The following CMSS1 variants were observed in gnomAD, a reference collection of about 807,000 sequenced individuals.
CMSS1 encodes protein CMSS1.
Under a neutral mutation model 43.5 loss-of-function variants are expected in CMSS1, and 33 were observed. The observed-to-expected ratio is 0.76, with a 90% confidence interval of 0.57 to 1.01. CMSS1 has a LOEUF of 1.01. Ranked by LOEUF, CMSS1 falls within the 50% of genes least tolerant of loss-of-function variation. The pLI, the probability that CMSS1 is intolerant of heterozygous loss-of-function variation, is 0.00. For missense variants in CMSS1, 313 were observed against 326.4 expected (o/e 0.96, Z 0.32); for synonymous variants, 115 against 117.2 (o/e 0.98, Z 0.12).
intron 1 of CMSS1, among the ~76,000 whole-genome samples, chr3:99,929,489 C>G (rs1326707733): frequency 4.6e-5 from 7 of 151,484 alleles, no homozygotes; most frequent in Admixed American, 3.9e-4. Flanking sequence ...TTTATTACAG[C>G]CTGGGTACCC....
At chr3:100,108,597 A>G (rs192564003) in intron 1 of CMSS1, among the ~76,000 whole-genome samples, 17 of 152,308 alleles carry the variant, frequency 1.1e-4, no homozygotes, top group Admixed American at 3.3e-4. Context: ...ATTCAATTCA[A>G]ACAGTCCTCA....
At chr3:100,053,382 T>C (rs894696214) in intron 1 of CMSS1, among the ~76,000 whole-genome samples, 97 of 152,340 alleles carry the variant, frequency 6.4e-4, no homozygotes, top group African/African-American at 2.3e-3. Context: ...TTCTGGTGCT[T>C]GCCAACAGTC....
At chr3:99,945,663 C>T (rs1002772520) in intron 1 of CMSS1, among the ~76,000 whole-genome samples, 13 of 152,202 alleles carry the variant, frequency 8.5e-5, no homozygotes, top group African/African-American at 3.1e-4. Context: ...GGTAGAGAGC[C>T]TGCCAAGTCA....
intron 1 of CMSS1, among the ~76,000 whole-genome samples, chr3:100,007,802 T>C (rs7610759): frequency 0.83 from 125,672 of 152,162 alleles, 51,948 homozygotes; most frequent in East Asian, 0.88. Flanking sequence ...TATCTAGTGG[T>C]AACAGGGAAT....
intron 1 of CMSS1, among the ~76,000 whole-genome samples, chr3:100,008,757 G>A (rs1405666483): frequency 6.6e-6 from 1 of 152,178 alleles, no homozygotes; most frequent in Non-Finnish European, 1.5e-5. Flanking sequence ...TCTAGACTAG[G>A]AGGAGTATTG....
intron 1 of CMSS1, among the ~76,000 whole-genome samples, chr3:99,925,350 C>A (rs1037216034): frequency 6.6e-6 from 1 of 152,126 alleles, no homozygotes; most frequent in African/African-American, 2.4e-5. Flanking sequence ...GTGTTTGTCT[C>A]CCCTGCTAGA....
chr3:100,002,768 G>A (rs1367546459), intron 1 of CMSS1, among the ~76,000 whole-genome samples: 3 of 152,138 alleles, frequency 2.0e-5, no homozygotes, highest in Non-Finnish European at 1.5e-5. Context: ...AGTCCCTTAG[G>A]CCTTAGACCA....
intron 1 of CMSS1, among the ~76,000 whole-genome samples, chr3:99,925,224 T>C (rs1270491390): frequency 2.6e-5 from 4 of 152,174 alleles, no homozygotes; most frequent in African/African-American, 9.7e-5. Context: ...AGATAATCTA[T>C]TATGTGTTGG....
chr3:99,995,343 T>C (rs933027631), intron 1 of CMSS1, among the ~76,000 whole-genome samples: 3 of 152,186 alleles, frequency 2.0e-5, no homozygotes, highest in South Asian at 2.1e-4. Flanking sequence ...GTCACACTGA[T>C]GTAAGAGGTG....
At chr3:99,852,566 C>G (rs1943752569) in intron 1 of CMSS1, among the ~76,000 whole-genome samples, 1 of 152,070 alleles carries the variant, frequency 6.6e-6, no homozygotes, top group Admixed American at 6.6e-5. Context: ...CTGTCTCAGC[C>G]TCCCGAGTAG....
At chr3:100,018,070 T>C (rs1393492161) in intron 1 of CMSS1, among the ~76,000 whole-genome samples, 1 of 152,188 alleles carries the variant, frequency 6.6e-6, no homozygotes, top group Non-Finnish European at 1.5e-5. Context: ...GGCTCACGCC[T>C]GTAATCTCAG....
chr3:100,006,913 G>A (rs1458960132), intron 1 of CMSS1, among the ~76,000 whole-genome samples: 4 of 152,176 alleles, frequency 2.6e-5, no homozygotes, highest in Non-Finnish European at 5.9e-5. Flanking sequence ...GCATTGAGAA[G>A]GATAAAAAAT....
At chr3:100,046,295 C>T (rs538037228) in intron 1 of CMSS1, among the ~76,000 whole-genome samples, 3 of 152,242 alleles carry the variant, frequency 2.0e-5, no homozygotes, top group Non-Finnish European at 2.9e-5. Context: ...TAGTCCACTC[C>T]TCCTTATGCC....
intron 1 of CMSS1, among the ~76,000 whole-genome samples, chr3:99,928,662 T>C (rs1374398064): frequency 2.0e-5 from 3 of 152,182 alleles, no homozygotes; most frequent in African/African-American, 7.2e-5. Flanking sequence ...CACACTGAAG[T>C]GTTGAGAGGT....
intron 1 of CMSS1, among the ~76,000 whole-genome samples, chr3:99,822,697 A>C (rs1942461521): frequency 6.6e-6 from 1 of 152,154 alleles, no homozygotes; most frequent in Non-Finnish European, 1.5e-5. Context: ...GTGCCACTGC[A>C]CTCCAGCCTG....
At chr3:100,132,427 G>A in intron 1 of CMSS1, among the ~76,000 whole-genome samples, 1 of 152,006 alleles carries the variant, frequency 6.6e-6, no homozygotes, top group East Asian at 1.9e-4. Context: ...TAAATAATTT[G>A]TTAAGATTAA....
chr3:100,153,439 G>A (rs1008006615), intron 2 of CMSS1, among the ~76,000 whole-genome samples: 10 of 152,170 alleles, frequency 6.6e-5, no homozygotes, highest in Non-Finnish European at 8.8e-5. Flanking sequence ...AAATGCCATA[G>A]ACAGGGTGGC....
At chr3:99,976,515 G>A (rs1217916924) in intron 1 of CMSS1, among the ~76,000 whole-genome samples, 1 of 152,120 alleles carries the variant, frequency 6.6e-6, no homozygotes, top group Non-Finnish European at 1.5e-5. Flanking sequence ...TTCAGTAACT[G>A]GCAGTCTAGT....
At chr3:100,079,533 TC>T (rs2065899924) in intron 1 of CMSS1, among the ~76,000 whole-genome samples, 1 of 152,210 alleles carries the variant, frequency 6.6e-6, no homozygotes, top group East Asian at 1.9e-4. Context: ...TTTTATCATG[TC>T]AGCAAAAAAG....
Sources: gnomAD v4.1 joint callset for allele counts (sites outside exome capture counted in the v4.1 genomes callset) on GRCh38, gnomAD v4.1.1 for gene constraint, MANE v1.5 for transcripts, NCBI Gene and HGNC (gene_info 2026-07-23, HGNC 2026-07-21) for gene names.